Variants in FOXP1 observed in about 807,000 individuals in gnomAD.
The protein encoded by FOXP1 is forkhead box P1.
FOXP1 carries 15 observed loss-of-function variants against 98.2 expected under a neutral mutation model. The observed-to-expected ratio is 0.15, with a 90% CI of 0.10 to 0.24. FOXP1 has a LOEUF of 0.24. Ranked by LOEUF, FOXP1 falls within the 10% of genes least tolerant of loss-of-function variation. FOXP1 has a pLI of 1.00. For synonymous variants in FOXP1, 371 were observed against 314.5 expected, an observed-to-expected ratio of 1.18 and a Z score of -1.90; for missense variants, 633 against 848.5, an observed-to-expected ratio of 0.75 and a Z score of 3.15.
At chr3:71,308,749 ATGTGTGTGTGTGTG>A (rs71104439) in intron 4 of FOXP1, among the ~76,000 whole-genome samples, 3,293 of 132,246 alleles carry the variant, frequency 0.025, 94 homozygotes, top group Non-Finnish European at 0.03. Context: ...TTCTACCACA[ATGTGTGTGTGTGTG>A]TGTGTGTGTG....
intron 3 of FOXP1, among the ~76,000 whole-genome samples, chr3:71,409,125 T>C (rs1250100489): frequency 6.6e-6 from 1 of 152,172 alleles, no homozygotes; most frequent in Admixed American, 6.5e-5. Flanking sequence ...CATTCAGGAA[T>C]GGTCTTCCCT....
At chr3:71,570,236 G>C (rs927511233) in intron 2 of FOXP1, 4 of 151,488 alleles carry the variant, frequency 2.6e-5, no homozygotes, top group African/African-American at 9.7e-5. Flanking sequence ...CACTTGGCCT[G>C]GGTAAAGAAA....
intron 5 of FOXP1, among the ~76,000 whole-genome samples, chr3:71,211,504 C>G (rs569233558): frequency 1.3e-4 from 20 of 152,268 alleles, no homozygotes; most frequent in African/African-American, 4.6e-4. Context: ...CCATGCCGGG[C>G]CCACATTTAG....
At chr3:71,422,239 C>T (rs1379183500) in intron 3 of FOXP1, among the ~76,000 whole-genome samples, 1 of 152,202 alleles carries the variant, frequency 6.6e-6, no homozygotes, top group Non-Finnish European at 1.5e-5. Context: ...GAGAAGCATG[C>T]AACAGCATCA....
intron 6 of FOXP1, among the ~76,000 whole-genome samples, chr3:71,188,931 C>T (rs935924896): frequency 4.6e-5 from 7 of 152,118 alleles, no homozygotes; most frequent in African/African-American, 1.7e-4. Flanking sequence ...AAAAAAAAAT[C>T]CAATATCCTC....
chr3:71,496,796 ACT>A (rs2091447743), intron 2 of FOXP1, among the ~76,000 whole-genome samples: 1 of 152,034 alleles, frequency 6.6e-6, no homozygotes, highest in Non-Finnish European at 1.5e-5. Flanking sequence ...ACAGAGCAAG[ACT>A]CTGTCTAAAA....
chr3:71,079,793 T>A (rs932864839), intron 7 of FOXP1, among the ~76,000 whole-genome samples: 5 of 152,198 alleles, frequency 3.3e-5, no homozygotes, highest in Non-Finnish European at 7.3e-5. Flanking sequence ...AGCAGAGGCT[T>A]CATTGACAAA....
intron 4 of FOXP1, among the ~76,000 whole-genome samples, chr3:71,310,462 T>A (rs1228295406): frequency 6.6e-6 from 1 of 152,186 alleles, no homozygotes; most frequent in African/African-American, 2.4e-5. Context: ...ACAGGCAAAC[T>A]CTACTCTTTG....
intron 17 of FOXP1, among the ~76,000 whole-genome samples, chr3:70,975,103 G>C (rs1253166858): frequency 2.0e-5 from 3 of 152,170 alleles, no homozygotes; most frequent in Admixed American, 1.3e-4. Context: ...ATCTAAGGCT[G>C]TTTATATTAA....
At chr3:71,155,925 C>T (rs1354578891) in intron 6 of FOXP1, among the ~76,000 whole-genome samples, 1 of 152,180 alleles carries the variant, frequency 6.6e-6, no homozygotes, top group Non-Finnish European at 1.5e-5. Context: ...GGTTTTTCTC[C>T]CCTTGTGCTT....
At chr3:71,509,385 G>A (rs1329652479) in intron 2 of FOXP1, among the ~76,000 whole-genome samples, 2 of 152,134 alleles carry the variant, frequency 1.3e-5, no homozygotes, top group Non-Finnish European at 2.9e-5. Context: ...CTTCCCGTGT[G>A]GGTTTTTGTT....
chr3:71,170,069 A>C (rs1443832536), intron 6 of FOXP1, among the ~76,000 whole-genome samples: 2 of 152,210 alleles, frequency 1.3e-5, no homozygotes, highest in Admixed American at 1.3e-4. Flanking sequence ...CAGCCTGCTT[A>C]ATGAGAGGAG....
intron 2 of FOXP1, among the ~76,000 whole-genome samples, chr3:71,497,119 A>G (rs957610108): frequency 2.0e-4 from 31 of 152,280 alleles, no homozygotes; most frequent in Admixed American, 1.8e-3. Flanking sequence ...ACCAGAAGAT[A>G]GATACCCAAA....
chr3:71,144,004 C>T (rs569047778), intron 6 of FOXP1, among the ~76,000 whole-genome samples: 4 of 152,128 alleles, frequency 2.6e-5, no homozygotes, highest in African/African-American at 7.2e-5. Context: ...CCCTTCTATA[C>T]TCATGATTTT....
At chr3:71,374,539 G>A (rs1396700063) in intron 3 of FOXP1, among the ~76,000 whole-genome samples, 1 of 151,816 alleles carries the variant, frequency 6.6e-6, no homozygotes, top group African/African-American at 2.4e-5. Context: ...GTTGTAGTGA[G>A]CCAAGAGTGC....
chr3:71,015,670 A>T lies in FOXP1; in HGVS notation c.870-17T>A, dbSNP rs1162442596. On this transcript the variant is annotated splice_polypyrimidine_tract_variant and intron_variant, in intron 11 of 20. Transcript: ENST00000649528. ...TGGGACAAACTGAAAGAAAACACAC[A>T]GAAGACCAGAGAATGAATTTGCTGC... is the stretch of plus-strand genomic sequence containing the variant. 1 of 1,526,032 alleles carries T rather than the reference A, an allele frequency of 6.6e-7. No homozygotes were observed. The highest frequency in any genetic ancestry group is 9.1e-7 in the Non-Finnish European group (1 of 1,100,344). The allele number at this position is 1,526,032 out of a possible 1,614,324, so 94.5% of individuals were successfully genotyped here. A position where few individuals can be genotyped will look rare whatever the true frequency, so the allele number is the denominator to read the frequency against.
chr3:71,583,933 C>T (rs1031954483), upstream of FOXP1: 2 of 984,494 alleles, frequency 2.0e-6, no homozygotes, highest in African/African-American at 1.8e-5. Flanking sequence ...CCAGCGGCCC[C>T]CCGAGCGGGA....
At chr3:71,378,715 T>TTATTGTTTATAAATATAACTGTTA (rs2079916167) in intron 3 of FOXP1, among the ~76,000 whole-genome samples, 2 of 151,676 alleles carry the variant, frequency 1.3e-5, no homozygotes, top group African/African-American at 4.8e-5. Flanking sequence ...TATAATTGTT[T>TTATTGTTTATAAATATAACTGTTA]TATTGTTTAT....
chr3:71,214,946 G>A (rs1039640027), intron 5 of FOXP1, among the ~76,000 whole-genome samples: 1 of 152,216 alleles, frequency 6.6e-6, no homozygotes, highest in Non-Finnish European at 1.5e-5. Context: ...CACTGCAACT[G>A]TGTTGCAGGC....
Sources: allele counts gnomAD v4.1 joint callset (sites outside exome capture counted in the v4.1 genomes callset), GRCh38; gene constraint gnomAD v4.1.1; transcripts MANE v1.5; gene names NCBI Gene and HGNC (gene_info 2026-07-23, HGNC 2026-07-21).